SLC16A12: variants seen among roughly 807,000 people sequenced by gnomAD.
SLC16A12 encodes monocarboxylate transporter 12.
A neutral mutation model predicts 42.4 loss-of-function variants in SLC16A12; 17 were observed. That is an observed-to-expected ratio of 0.40 (90% CI 0.27 to 0.60). The LOEUF is 0.60. SLC16A12 is among the 20% of genes least tolerant of loss of function. The pLI, the probability that SLC16A12 is intolerant of heterozygous loss-of-function variation, is 0.42. For missense variants in SLC16A12, 544 were observed against 623.0 expected (o/e 0.87, Z 1.35); for synonymous variants, 224 against 229.4 (o/e 0.98, Z 0.21).
At position 89,432,989 on chromosome 10, in the gene SLC16A12, A is replaced by G; in HGVS notation, c.*75T>C. ...AAGGCAATCCTTCTGCCAAAATAAA[A>G]AGTTTCAGAAACATGAAGAATCTGG... On this transcript the variant is annotated 3_prime_UTR_variant, in exon 8 of 8. Coordinates refer to ENST00000371790, the MANE Select transcript of SLC16A12 (RefSeq NM_213606.4). The G allele has an allele frequency of 6.4e-7, 1 of 1,574,530 alleles. No individual in the cohort carries two copies. Among genetic ancestry groups the G allele is most frequent in the Non-Finnish European group, 8.6e-7 (1 of 1,166,144 alleles).
chr10:89,516,870 G>T (rs1843260880), intron 2 of SLC16A12, among the ~76,000 whole-genome samples: 1 of 152,164 alleles, frequency 6.6e-6, no homozygotes, highest in South Asian at 2.1e-4. Context: ...TCTTGCTAAG[G>T]CCTAATTTAA....
rs7907031 is a variant in SLC16A12 at position 89,435,954 on chromosome 10, C to T, written c.1288+106G>A. On this transcript the variant is annotated intron_variant, in intron 7 of 7. Coordinates refer to ENST00000371790, the MANE Select transcript of SLC16A12 (RefSeq NM_213606.4). ...ATATCCCTTTTCTCTTTCACTCTTC[C>T]CCAACTCTCTTGACAGTCCTTCTCA... 2,259 of 1,509,008 alleles carry T rather than the reference C, an allele frequency of 1.5e-3. 32 individuals are homozygous for T. The African/African-American group carries it at 0.028, about 19-fold the overall frequency. The allele number at this position is 1,509,008 out of a possible 1,614,324, so 93.5% of individuals were successfully genotyped here.
At chr10:89,533,267 G>A (rs762268304) in intron 2 of SLC16A12, among the ~76,000 whole-genome samples, 6 of 151,408 alleles carry the variant, frequency 4.0e-5, no homozygotes, top group Non-Finnish European at 8.8e-5. Flanking sequence ...AGGTAAAACT[G>A]AAATTCTCTT....
At chr10:89,470,158 C>G (rs1842470620) in intron 2 of SLC16A12, among the ~76,000 whole-genome samples, 1 of 152,134 alleles carries the variant, frequency 6.6e-6, no homozygotes, top group Admixed American at 6.6e-5. Context: ...AAATGCATCC[C>G]CAGGCAAGGA....
At chr10:89,483,760 A>AC in intron 2 of SLC16A12, among the ~76,000 whole-genome samples, 1 of 151,796 alleles carries the variant, frequency 6.6e-6, no homozygotes, top group East Asian at 1.9e-4. Flanking sequence ...AAAACAAAAA[A>AC]AAAAAAACGG....
chr10:89,555,404 C>T (rs1489739561), intron 2 of SLC16A12, among the ~76,000 whole-genome samples: 3 of 149,954 alleles, frequency 2.0e-5, no homozygotes, highest in Non-Finnish European at 3.0e-5. Flanking sequence ...TCTATTAACA[C>T]GTGCTGGGTA....
chr10:89,486,656 AAAG>A (rs1215678676), intron 2 of SLC16A12, among the ~76,000 whole-genome samples: 24 of 115,460 alleles, frequency 2.1e-4, no homozygotes, highest in East Asian at 6.3e-4. Context: ...AGAAAGAAAG[AAAG>A]AAAGAAAAGA....
At chr10:89,513,500 A>G (rs1479164010) in intron 2 of SLC16A12, among the ~76,000 whole-genome samples, 2 of 152,230 alleles carry the variant, frequency 1.3e-5, no homozygotes, top group African/African-American at 4.8e-5. Context: ...ATTAGAGAAT[A>G]TCATATTTCC....
chr10:89,486,602 AAAAAGAAAGAAAGAAAG>A lies in SLC16A12; in HGVS notation c.-46-23995_-46-23979del, dbSNP rs1334282311. Among the ~76,000 whole-genome samples the A allele has an allele frequency of 4.6e-3, 537 of 116,108 alleles. 18 individuals are homozygous for A. The highest frequency in any genetic ancestry group is 8.2e-3 in the Admixed American group (89 of 10,802). The allele number at this position is 116,108 out of a possible 152,430, so 76.2% of individuals were successfully genotyped here. A position where few individuals can be genotyped will look rare whatever the true frequency, so the allele number is the denominator to read the frequency against. On this transcript the variant is annotated intron_variant, in intron 2 of 7. Coordinates refer to ENST00000371790, the MANE Select transcript of SLC16A12 (RefSeq NM_213606.4). ...GTGAAACCTTGTCTCAAAAAAAAAA[AAAAAGAAAGAAAGAAAG>A]AAAGAAAGAAAGAAAGAAAGAAAGA...
intron 2 of SLC16A12, among the ~76,000 whole-genome samples, chr10:89,517,055 C>T (rs1843264749): frequency 6.6e-6 from 1 of 151,950 alleles, no homozygotes. Context: ...AGACTCCCAT[C>T]TCTACAAAAA....
intron 3 of SLC16A12, among the ~76,000 whole-genome samples, chr10:89,451,869 A>G (rs1486092361): frequency 6.6e-6 from 1 of 152,144 alleles, no homozygotes; most frequent in Admixed American, 6.5e-5. Flanking sequence ...CCACGATTTG[A>G]GAGAGTTCAG....
intron 2 of SLC16A12, among the ~76,000 whole-genome samples, chr10:89,484,284 A>G (rs1281054159): frequency 2.0e-5 from 3 of 152,198 alleles, no homozygotes; most frequent in Non-Finnish European, 4.4e-5. Context: ...TAAACTACGT[A>G]TATATCTCTT....
intron 2 of SLC16A12, among the ~76,000 whole-genome samples, chr10:89,490,280 C>T (rs540402171): frequency 6.6e-6 from 1 of 152,286 alleles, no homozygotes; most frequent in African/African-American, 2.4e-5. Context: ...AAACAGTACT[C>T]TGTGATTTTC....
At position 89,430,529 on chromosome 10, in the gene SLC16A12, A is replaced by G. The variant is rs1205475166; in HGVS notation, c.*2535T>C. 4.8e-6 allele frequency: 2 copies of G among 416,616 alleles called. No homozygotes were observed. The highest frequency in any genetic ancestry group is 4.0e-5 in the Admixed American group (1 of 24,718). 25.8% of individuals were successfully genotyped at this position (416,616 alleles called of 1,614,324 possible). On this transcript the variant is annotated 3_prime_UTR_variant, in exon 8 of 8. Transcript: ENST00000371790. ...TTATCCCACTATAATTTTGTTCTTGATTCCACAAAATACATCATTCCCATG... is the reference window on the plus strand; with the variant it reads ...TTATCCCACTATAATTTTGTTCTTGGTTCCACAAAATACATCATTCCCATG...
At chr10:89,503,095 T>C (rs961311413) in intron 2 of SLC16A12, among the ~76,000 whole-genome samples, 7 of 152,160 alleles carry the variant, frequency 4.6e-5, no homozygotes, top group Non-Finnish European at 1.0e-4. Flanking sequence ...CTAGAAACAA[T>C]AGGATGAGAG....
At chr10:89,458,136 TGATAAA>T (rs1365422573) in intron 3 of SLC16A12, among the ~76,000 whole-genome samples, 12 of 152,316 alleles carry the variant, frequency 7.9e-5, no homozygotes, top group African/African-American at 2.9e-4. Flanking sequence ...CATTTACTGT[TGATAAA>T]GATAAAATTG....
At chr10:89,555,246 A>G (rs1252914736) in intron 2 of SLC16A12, among the ~76,000 whole-genome samples, 2 of 151,670 alleles carry the variant, frequency 1.3e-5, no homozygotes, top group Non-Finnish European at 2.9e-5. Flanking sequence ...GGGCTCAAGC[A>G]ATCCTCCTGC....
intron 2 of SLC16A12, among the ~76,000 whole-genome samples, chr10:89,511,394 G>A (rs1441980871): frequency 1.3e-5 from 2 of 152,164 alleles, no homozygotes; most frequent in African/African-American, 2.4e-5. Context: ...GGAATACTAT[G>A]CAGCCATAAA....
intron 2 of SLC16A12, among the ~76,000 whole-genome samples, chr10:89,466,462 C>T (rs1842401945): frequency 6.6e-6 from 1 of 152,134 alleles, no homozygotes; most frequent in Non-Finnish European, 1.5e-5. Context: ...CAAAAAATTA[C>T]CTTCTGCCTA....
Sources: allele counts gnomAD v4.1 joint callset (sites outside exome capture counted in the v4.1 genomes callset), GRCh38; gene constraint gnomAD v4.1.1; transcripts MANE v1.5; gene names NCBI Gene and HGNC (gene_info 2026-07-23, HGNC 2026-07-21).